PLXNA4: variants seen among roughly 807,000 people sequenced by gnomAD.
PLXNA4 encodes plexin A4.
PLXNA4 carries 44 observed loss-of-function variants against 191.8 expected under a neutral mutation model. The observed-to-expected ratio is 0.23, with a 90% CI of 0.18 to 0.29. The LOEUF is 0.29. Among genes scored for constraint, PLXNA4 ranks in the 10% least tolerant of loss-of-function variants. PLXNA4 has a pLI of 1.00. For synonymous variants in PLXNA4, 1,082 were observed against 1,009.5 expected, an observed-to-expected ratio of 1.07 and a Z score of -1.36; for missense variants, 1,800 against 2,488.8, an observed-to-expected ratio of 0.72 and a Z score of 5.89.
At chr7:132,207,603 T>C (rs532713022) in intron 10 of PLXNA4, among the ~76,000 whole-genome samples, 15 of 152,098 alleles carry the variant, frequency 9.9e-5, no homozygotes, top group Non-Finnish European at 2.1e-4. Flanking sequence ...CATAATGGGG[T>C]TGGAAATGGC....
rs571837285 is a variant in PLXNA4 at position 132,402,323 on chromosome 7, G to A, written c.1371+86969C>T. On this transcript the variant is annotated intron_variant, in intron 3 of 31. Coordinates refer to ENST00000321063, the MANE Select transcript of PLXNA4 (RefSeq NM_020911.2). The stretch of plus-strand genomic sequence containing the variant: ...GGTGCCAGACACCCTGACGGTAGGC[G>A]GGGAGACAGAAAGCTATAAAAAGTA... Among the ~76,000 whole-genome samples, 6 of 152,250 alleles carry A rather than the reference G, an allele frequency of 3.9e-5. No homozygotes were observed. In the South Asian group the frequency reaches 6.2e-4, roughly 16 times the overall value.
intron 14 of PLXNA4, among the ~76,000 whole-genome samples, chr7:132,188,995 AGAGAGAGAGAGAG>A (rs1487765660): frequency 3.7e-5 from 1 of 26,820 alleles, no homozygotes; most frequent in African/African-American, 1.3e-4. Context: ...AAAGGAAAGG[AGAGAGAGAGAGAG>A]AGAGAGAGAG....
chr7:132,275,474 C>T (rs1253507029), intron 4 of PLXNA4, among the ~76,000 whole-genome samples: 2 of 152,144 alleles, frequency 1.3e-5, no homozygotes, highest in African/African-American at 2.4e-5. Flanking sequence ...AAACCAGACA[C>T]TTAAAATTGG....
chr7:132,407,522 A>C (rs377565696), intron 3 of PLXNA4, among the ~76,000 whole-genome samples: 8 of 147,372 alleles, frequency 5.4e-5, no homozygotes, highest in African/African-American at 1.9e-4. Flanking sequence ...ACATGCACAC[A>C]CACTTGCACA....
intron 9 of PLXNA4, among the ~76,000 whole-genome samples, chr7:132,219,611 C>G (rs1030330959): frequency 1.3e-5 from 2 of 152,120 alleles, no homozygotes; most frequent in Non-Finnish European, 2.9e-5. Flanking sequence ...GGTGACAGGA[C>G]ATAGGTGTCT....
At chr7:132,324,134 C>T (rs1442979394) in intron 3 of PLXNA4, among the ~76,000 whole-genome samples, 1 of 151,986 alleles carries the variant, frequency 6.6e-6, no homozygotes, top group Non-Finnish European at 1.5e-5. Context: ...GACCAGTGAA[C>T]CCAAAACCGG....
At chr7:132,456,790 A>G (rs114104001) in intron 3 of PLXNA4, among the ~76,000 whole-genome samples, 1 of 151,948 alleles carries the variant, frequency 6.6e-6, no homozygotes, top group Non-Finnish European at 1.5e-5. Flanking sequence ...ATGCCCAAAG[A>G]CCACCCTCAG....
At position 132,624,768 on chromosome 7, in the gene PLXNA4, A is replaced by G. The variant is rs138456449; in HGVS notation, c.-87+21160T>C. Among the ~76,000 whole-genome samples the G allele has an allele frequency of 5.5e-3, 832 of 152,228 alleles. 7 individuals carry two copies. Among genetic ancestry groups the G allele is most frequent in the Middle Eastern group, 0.027 (8 of 294 alleles). On this transcript the variant is annotated intron_variant, in intron 2 of 4. Transcript: ENST00000378539. Reference sequence around the variant, plus strand: ...CAGCAAATTTTGCAAAGGCTGCCCTATTTAGGCTCCCCACCACCTGCCACG... The same window carrying G: ...CAGCAAATTTTGCAAAGGCTGCCCTGTTTAGGCTCCCCACCACCTGCCACG...
intron 25 of PLXNA4, among the ~76,000 whole-genome samples, chr7:132,155,049 T>C (rs994534143): frequency 3.3e-5 from 5 of 152,248 alleles, no homozygotes; most frequent in African/African-American, 1.2e-4. Flanking sequence ...TATCTTTTTA[T>C]TGCCTACAGG....
chr7:132,209,541 A>G (rs1797729330), intron 10 of PLXNA4, among the ~76,000 whole-genome samples: 1 of 152,096 alleles, frequency 6.6e-6, no homozygotes, highest in Non-Finnish European at 1.5e-5. Flanking sequence ...CCTGGCAGCC[A>G]GGGGAGGAGG....
At chr7:132,438,181 G>A (rs576074773) in intron 3 of PLXNA4, among the ~76,000 whole-genome samples, 11 of 152,202 alleles carry the variant, frequency 7.2e-5, no homozygotes, top group Non-Finnish European at 1.5e-4. Flanking sequence ...TTGGGTTAAA[G>A]GTTGGTTAGG....
At chr7:132,634,252 T>C (rs1803550977) in intron 2 of PLXNA4, among the ~76,000 whole-genome samples, 1 of 152,130 alleles carries the variant, frequency 6.6e-6, no homozygotes, top group South Asian at 2.1e-4. Flanking sequence ...TAAGTGAAAA[T>C]GCTATGTAAA....
chr7:132,191,802 A>G (rs902547633), intron 14 of PLXNA4, among the ~76,000 whole-genome samples: 1 of 58,554 alleles, frequency 1.7e-5, no homozygotes, highest in African/African-American at 1.1e-4. Flanking sequence ...CTCTGTCTCT[A>G]TGTCTATATC....
chr7:132,225,616 G>C (rs896603155), intron 8 of PLXNA4, among the ~76,000 whole-genome samples: 11 of 149,830 alleles, frequency 7.3e-5, no homozygotes, highest in Non-Finnish European at 1.0e-4. Flanking sequence ...GCCAGAGTCC[G>C]CCCCCCCCCA....
chr7:132,178,594 A>T (rs558184988), intron 20 of PLXNA4, among the ~76,000 whole-genome samples: 1 of 152,338 alleles, frequency 6.6e-6, no homozygotes, highest in Non-Finnish European at 1.5e-5. Context: ...TCTGGGACAC[A>T]GGCATAGGGA....
chr7:132,539,537 A>G (rs1799983036), intron 1 of PLXNA4, among the ~76,000 whole-genome samples: 1 of 152,190 alleles, frequency 6.6e-6, no homozygotes, highest in South Asian at 2.1e-4. Context: ...TCTGAAGCAC[A>G]CTGAAGTTTG....
At chr7:132,592,209 A>G (rs573630033) in intron 2 of PLXNA4, among the ~76,000 whole-genome samples, 32 of 152,266 alleles carry the variant, frequency 2.1e-4, no homozygotes, top group African/African-American at 7.5e-4. Flanking sequence ...TCTACATTCC[A>G]TCTGCCCTCA....
At chr7:132,433,350 T>C (rs1464670281) in intron 3 of PLXNA4, among the ~76,000 whole-genome samples, 2 of 152,188 alleles carry the variant, frequency 1.3e-5, no homozygotes, top group Non-Finnish European at 2.9e-5. Flanking sequence ...GGAAGCCTTC[T>C]ACCCTACATA....
intron 4 of PLXNA4, among the ~76,000 whole-genome samples, chr7:132,262,414 T>A (rs1474387705): frequency 1.3e-5 from 2 of 152,178 alleles, no homozygotes; most frequent in Admixed American, 6.5e-5. Flanking sequence ...TGGTTGTAAC[T>A]TGATTTTCAG....
Sources: allele counts gnomAD v4.1 joint callset (sites outside exome capture counted in the v4.1 genomes callset), GRCh38; gene constraint gnomAD v4.1.1; transcripts MANE v1.5; gene names NCBI Gene and HGNC (gene_info 2026-07-23, HGNC 2026-07-21).